CNTNAP2: variants seen among roughly 807,000 people sequenced by gnomAD.
The protein encoded by CNTNAP2 is contactin-associated protein-like 2.
A neutral mutation model predicts 155.2 loss-of-function variants in CNTNAP2; 98 were observed. The ratio of observed to expected loss-of-function variants is 0.63; its 90% confidence interval spans 0.54 to 0.75. The LOEUF (loss-of-function observed/expected upper bound fraction) is 0.75. Among genes scored for constraint, CNTNAP2 ranks in the 30% least tolerant of loss-of-function variants. The probability of loss-of-function intolerance (pLI) is 0.00; values close to 1 mark genes in which losing one functional copy is unlikely to be tolerated. For synonymous variants in CNTNAP2, 651 were observed against 631.2 expected (o/e 1.03, Z -0.47); for missense variants, 1,727 against 1,688.1 (o/e 1.02, Z -0.40).
chr7:146,482,401 A>C (rs142695850), intron 1 of CNTNAP2, among the ~76,000 whole-genome samples: 1 of 87,100 alleles, frequency 1.1e-5, no homozygotes, highest in Non-Finnish European at 2.0e-5. Context: ...TGTGTGTATT[A>C]TATATATATA....
At chr7:147,851,300 AG>A in intron 13 of CNTNAP2, among the ~76,000 whole-genome samples, 1 of 152,342 alleles carries the variant, frequency 6.6e-6, no homozygotes, top group Non-Finnish European at 1.5e-5. Context: ...GTGGAGAAAT[AG>A]GAACACTTTT....
intron 12 of CNTNAP2, among the ~76,000 whole-genome samples, chr7:147,604,187 C>G (rs976311216): frequency 6.6e-6 from 1 of 151,568 alleles, no homozygotes; most frequent in Non-Finnish European, 1.5e-5. Flanking sequence ...TCTAAAACAC[C>G]AAAAGCAATG....
intron 8 of CNTNAP2, among the ~76,000 whole-genome samples, chr7:147,283,428 G>C (rs538384371): frequency 3.3e-5 from 5 of 151,870 alleles, no homozygotes; most frequent in African/African-American, 9.6e-5. Flanking sequence ...ATTTTAACTA[G>C]AGGGATGCTC....
At chr7:146,802,689 C>T (rs770912050) in intron 2 of CNTNAP2, among the ~76,000 whole-genome samples, 3 of 152,150 alleles carry the variant, frequency 2.0e-5, no homozygotes, top group African/African-American at 2.4e-5. Context: ...GCCTCCCAGC[C>T]CTGGTTCCTG....
chr7:148,308,170 G>A lies in CNTNAP2; in HGVS notation c.3475+41044G>A, dbSNP rs545423737. 2.4e-4 allele frequency among the ~76,000 whole-genome samples: 37 copies of A among 152,004 alleles called. No individual in the cohort carries two copies. The South Asian group carries it at 5.6e-3, about 23-fold the overall frequency. On this transcript the variant is annotated intron_variant, in intron 21 of 23. Coordinates refer to ENST00000361727, the MANE Select transcript of CNTNAP2 (RefSeq NM_014141.6). ...TTTAATACTAGGTTTTTCCTCCCACGCAGTGAATTTTCTTCTTGCTTTAAG... is the reference window on the plus strand; with the variant it reads ...TTTAATACTAGGTTTTTCCTCCCACACAGTGAATTTTCTTCTTGCTTTAAG...
chr7:147,463,042 G>T (rs896614626), intron 10 of CNTNAP2, among the ~76,000 whole-genome samples: 1 of 152,164 alleles, frequency 6.6e-6, no homozygotes, highest in African/African-American at 2.4e-5. Flanking sequence ...ATGAGATTAT[G>T]ATGAAAGAGT....
At chr7:146,371,808 A>C (rs1445202127) in intron 1 of CNTNAP2, among the ~76,000 whole-genome samples, 1 of 151,864 alleles carries the variant, frequency 6.6e-6, no homozygotes, top group Non-Finnish European at 1.5e-5. Context: ...AAAATGCAAA[A>C]ATTAGCTGTG....
intron 8 of CNTNAP2, among the ~76,000 whole-genome samples, chr7:147,226,024 C>G (rs1004663948): frequency 6.6e-6 from 1 of 151,752 alleles, no homozygotes; most frequent in African/African-American, 2.4e-5. Flanking sequence ...AGAAAGAAAA[C>G]TAAGAAGTTA....
intron 1 of CNTNAP2, among the ~76,000 whole-genome samples, chr7:146,275,509 G>C (rs902643200): frequency 6.6e-6 from 1 of 152,198 alleles, no homozygotes; most frequent in Non-Finnish European, 1.5e-5. Flanking sequence ...TAAGAAGTTT[G>C]CTTCAGTCTG....
In CNTNAP2 at chr7:146,701,467, C is replaced by A. The variant is rs116660407; in HGVS notation, c.98-72804C>A. Among the ~76,000 whole-genome samples, 513 of 152,258 alleles carry A rather than the reference C, an allele frequency of 3.4e-3. 4 individuals carry two copies. The highest frequency in any genetic ancestry group is 0.012 in the African/African-American group (496 of 41,562). On this transcript the variant is annotated intron_variant, in intron 1 of 23. Coordinates refer to ENST00000361727, the MANE Select transcript of CNTNAP2 (RefSeq NM_014141.6). ...AGCATCCTTTAAATCATGAACAAAG[C>A]AAACTATGATGTCTGGTTGTATTTT...
intron 17 of CNTNAP2, among the ~76,000 whole-genome samples, chr7:148,167,613 G>A (rs1036219596): frequency 3.3e-5 from 5 of 152,202 alleles, no homozygotes; most frequent in Admixed American, 2.6e-4. Context: ...CCCAGAGGGA[G>A]AGCCTGTGAA....
intron 10 of CNTNAP2, among the ~76,000 whole-genome samples, chr7:147,420,423 CA>C (rs1797271091): frequency 6.6e-6 from 1 of 152,088 alleles, no homozygotes; most frequent in Non-Finnish European, 1.5e-5. Context: ...AACAGAAGAG[CA>C]AAATGAGGTT....
chr7:146,352,371 A>T (rs1170619984), intron 1 of CNTNAP2, among the ~76,000 whole-genome samples: 1 of 152,194 alleles, frequency 6.6e-6, no homozygotes, highest in Non-Finnish European at 1.5e-5. Context: ...AATTGATTAA[A>T]AATAATTGAA....
intron 1 of CNTNAP2, among the ~76,000 whole-genome samples, chr7:146,172,680 A>G (rs1798412379): frequency 6.6e-6 from 1 of 152,128 alleles, no homozygotes; most frequent in African/African-American, 2.4e-5. Context: ...TTCTGTGTGG[A>G]TAACTGGAGG....
chr7:147,528,528 C>CACACACATACATGT (rs1405280438), intron 11 of CNTNAP2, among the ~76,000 whole-genome samples: 1 of 152,186 alleles, frequency 6.6e-6, no homozygotes, highest in Admixed American at 6.5e-5. Flanking sequence ...GACACACATG[C>CACACACATACATGT]ACACACATAC....
intron 1 of CNTNAP2, among the ~76,000 whole-genome samples, chr7:146,728,169 A>C (rs552179332): frequency 2.0e-5 from 3 of 152,208 alleles, no homozygotes; most frequent in Admixed American, 6.5e-5. Flanking sequence ...GATGAATACG[A>C]TTTAGTTGTG....
chr7:146,705,384 T>G (rs1800945185), intron 1 of CNTNAP2, among the ~76,000 whole-genome samples: 1 of 152,054 alleles, frequency 6.6e-6, no homozygotes, highest in Admixed American at 6.6e-5. Context: ...ATGGTAACTT[T>G]TTTCTGTGTT....
intron 12 of CNTNAP2, among the ~76,000 whole-genome samples, chr7:147,591,229 G>T (rs1800728968): frequency 6.6e-6 from 1 of 152,188 alleles, no homozygotes; most frequent in African/African-American, 2.4e-5. Flanking sequence ...GGACTGGGTA[G>T]CTTAAACAAT....
intron 12 of CNTNAP2, among the ~76,000 whole-genome samples, chr7:147,620,120 T>G (rs904653976): frequency 2.6e-5 from 4 of 152,246 alleles, no homozygotes; most frequent in African/African-American, 9.6e-5. Context: ...ACAGCATTAC[T>G]GGGCTTGGGG....
Sources: gnomAD v4.1 joint callset for allele counts (sites outside exome capture counted in the v4.1 genomes callset) on GRCh38, gnomAD v4.1.1 for gene constraint, MANE v1.5 for transcripts, NCBI Gene and HGNC (gene_info 2026-07-23, HGNC 2026-07-21) for gene names.